Variants in DNASE1 observed in about 807,000 individuals in gnomAD.
DNASE1 encodes the protein deoxyribonuclease 1, also known as deoxyribonuclease-1.
DNASE1 carries 40 observed loss-of-function variants against 33.9 expected under a neutral mutation model. That is an observed-to-expected ratio of 1.18 (90% CI 0.92 to 1.54). DNASE1 has a LOEUF of 1.54. DNASE1 is among the 40% of genes most tolerant of loss of function. The pLI, the probability that DNASE1 is intolerant of heterozygous loss-of-function variation, is 0.00. For synonymous variants in DNASE1, 216 were observed against 160.0 expected, an observed-to-expected ratio of 1.35 and a Z score of -2.64; for missense variants, 518 against 372.6, an observed-to-expected ratio of 1.39 and a Z score of -3.21.
intron 1 of DNASE1, among the ~76,000 whole-genome samples, chr16:3,646,492 G>A (rs922037667): frequency 1.3e-5 from 2 of 152,118 alleles, no homozygotes; most frequent in South Asian, 2.1e-4. Context: ...GGGCCATGGC[G>A]GGTGTAGGGG....
At chr16:3,630,000 GT>G (rs1053667391) in intron 1 of DNASE1, among the ~76,000 whole-genome samples, 1 of 151,832 alleles carries the variant, frequency 6.6e-6, no homozygotes, top group Non-Finnish European at 1.5e-5. Context: ...TTTTATTTTA[GT>G]GGAGATGAGA....
At chr16:3,658,279 TC>T, downstream of DNASE1, 1 of 1,448,038 alleles carries the variant, frequency 6.9e-7, no homozygotes, top group Non-Finnish European at 9.4e-7. Flanking sequence ...GGGCACCTTT[TC>T]ATTTTTTTTT....
chr16:3,645,650 C>T (rs1262321959), intron 1 of DNASE1, among the ~76,000 whole-genome samples: 6 of 152,164 alleles, frequency 3.9e-5, no homozygotes, highest in Admixed American at 3.9e-4. Flanking sequence ...AGGCAGAAGG[C>T]GAGTGCTGAC....
chr16:3,641,060 C>A (rs2042011372), upstream of DNASE1: 1 of 397,836 alleles, frequency 2.5e-6, no homozygotes, highest in South Asian at 1.4e-4. Flanking sequence ...CCCCAGCCCC[C>A]AGGTGCTGTT....
chr16:3,646,376 TC>T (rs1232717375), intron 1 of DNASE1, among the ~76,000 whole-genome samples: 1 of 152,054 alleles, frequency 6.6e-6, no homozygotes, highest in Non-Finnish European at 1.5e-5. Context: ...GAGCTTGTGT[TC>T]CTGGAAGCCA....
upstream of DNASE1, among the ~76,000 whole-genome samples, chr16:3,641,662 C>T (rs2042026437): frequency 6.6e-6 from 1 of 152,214 alleles, no homozygotes; most frequent in Admixed American, 6.5e-5. Flanking sequence ...TCGCGGCCCC[C>T]AGAGAAGAAT....
At chr16:3,645,608 A>G (rs988352844) in intron 1 of DNASE1, among the ~76,000 whole-genome samples, 103 of 152,336 alleles carry the variant, frequency 6.8e-4, no homozygotes, top group African/African-American at 2.3e-3. Flanking sequence ...GGCTGAGCCA[A>G]CATGCCGTGG....
chr16:3,658,365 A>AT (rs2042847303), downstream of DNASE1: 15 of 705,438 alleles, frequency 2.1e-5, no homozygotes, highest in Non-Finnish European at 3.6e-5. Context: ...ACCTCAGGTG[A>AT]TCCCCCCGCC....
exon 10 of DNASE1, chr16:3,664,548 T>TGGC (rs2050782712): frequency 7.3e-7 from 1 of 1,372,788 alleles, no homozygotes. Context: ...CCGATGCCCA[T>TGGC]GGCCTCCTGG....
At chr16:3,629,972 C>T (rs977354095) in intron 1 of DNASE1, among the ~76,000 whole-genome samples, 10 of 152,120 alleles carry the variant, frequency 6.6e-5, no homozygotes, top group African/African-American at 2.2e-4. Context: ...CGCCACCATG[C>T]GCGGCTAATT....
chr16:3,657,648 T>G lies in DNASE1; in HGVS notation c.705-72T>G, dbSNP rs73505460. The G allele has an allele frequency of 6.1e-3, 9,742 of 1,589,620 alleles. 504 individuals are homozygous for G. In the African/African-American group the frequency reaches 0.11, roughly 19 times the overall value. On this transcript the variant is annotated intron_variant, in intron 7 of 8. Transcript: ENST00000246949. The stretch of plus-strand genomic sequence containing the variant: ...CTGGCAGGTCCCAGGGCTCTTAGTT[T>G]AGTTCCTGCGGGTGCTGAGCCAGGC...
At chr16:3,614,037 C>G (rs1287327679) in intron 1 of DNASE1, among the ~76,000 whole-genome samples, 1 of 151,162 alleles carries the variant, frequency 6.6e-6, no homozygotes, top group Non-Finnish European at 1.5e-5. Flanking sequence ...CGCAGTCTCC[C>G]GAATACCTGG....
rs8176921 is a variant in DNASE1, at chr16:3,655,348, GTC to G, written c.-1-21_-1-20del. The G allele has an allele frequency of 7.4e-4, 1,187 of 1,613,782 alleles. 9 individuals carry two copies. The African/African-American group carries it at 0.013, about 17-fold the overall frequency. ...AGGGATGACGTCTCACTTCTGTTATGTCTCTGTGCCCTGTGCTCTCCCAGGAT... is the reference window on the plus strand; with the variant it reads ...AGGGATGACGTCTCACTTCTGTTATGTCTGTGCCCTGTGCTCTCCCAGGAT... On this transcript the variant is annotated intron_variant, in intron 1 of 8. Transcript: ENST00000246949.
exon 10 of DNASE1, chr16:3,663,437 C>A (rs1437513612): frequency 6.2e-7 from 1 of 1,614,126 alleles, no homozygotes; most frequent in Non-Finnish European, 8.5e-7. Flanking sequence ...GGGACCTGTC[C>A]TCAAACTTCT....
chr16:3,622,258 G>C (rs143174386), intron 1 of DNASE1, among the ~76,000 whole-genome samples: 1 of 146,856 alleles, frequency 6.8e-6, no homozygotes, highest in East Asian at 2.0e-4. Context: ...TTTCCATTCC[G>C]TTAACAATGA....
chr16:3,620,997 A>G (rs2041291576), intron 1 of DNASE1, among the ~76,000 whole-genome samples: 1 of 151,960 alleles, frequency 6.6e-6, no homozygotes, highest in South Asian at 2.1e-4. Flanking sequence ...ACGGGGTTTC[A>G]CCATATTGAC....
At chr16:3,630,273 C>G (rs1402367266) in intron 1 of DNASE1, among the ~76,000 whole-genome samples, 2 of 152,076 alleles carry the variant, frequency 1.3e-5, no homozygotes, top group Admixed American at 6.6e-5. Context: ...CTCGACCTCC[C>G]AGGCTCAAAA....
chr16:3,612,639 C>T (rs1041488757), intron 1 of DNASE1, among the ~76,000 whole-genome samples: 2 of 149,166 alleles, frequency 1.3e-5, no homozygotes, highest in African/African-American at 5.0e-5. Context: ...CGAGCCCTGG[C>T]CGCAAGAGAT....
chr16:3,622,865 T>C (rs948232345), intron 1 of DNASE1, among the ~76,000 whole-genome samples: 14 of 152,220 alleles, frequency 9.2e-5, no homozygotes, highest in African/African-American at 3.4e-4. Context: ...ACCTTTACGT[T>C]CTCTTAATGA....
Sources: allele counts gnomAD v4.1 joint callset (sites outside exome capture counted in the v4.1 genomes callset), GRCh38; gene constraint gnomAD v4.1.1; transcripts MANE v1.5; gene names NCBI Gene and HGNC (gene_info 2026-07-23, HGNC 2026-07-21).